The following PBX4 variants were observed in gnomAD, a reference collection of about 807,000 sequenced individuals.
PBX4 encodes PBX homeobox 4.
PBX4 carries 26 observed loss-of-function variants against 35.1 expected under a neutral mutation model. That is an observed-to-expected ratio of 0.74 (90% CI 0.54 to 1.03). PBX4 has a LOEUF of 1.03. PBX4 is among the 50% of genes least tolerant of loss of function. The probability of loss-of-function intolerance (pLI) is 0.00; values close to 1 mark genes in which losing one functional copy is unlikely to be tolerated. For synonymous variants in PBX4, 199 were observed against 204.2 expected, an observed-to-expected ratio of 0.97 and a Z score of 0.22; for missense variants, 448 against 504.3, an observed-to-expected ratio of 0.89 and a Z score of 1.07.
At chr19:19,565,629 GT>G (rs1188072150) in intron 5 of PBX4, among the ~76,000 whole-genome samples, 1 of 152,152 alleles carries the variant, frequency 6.6e-6, no homozygotes, top group East Asian at 1.9e-4. Flanking sequence ...TTAAAAAAAG[GT>G]TTTTTGGCCG....
intron 6 of PBX4, among the ~76,000 whole-genome samples, chr19:19,564,261 C>T (rs1272361941): frequency 6.7e-6 from 1 of 148,478 alleles, no homozygotes; most frequent in African/African-American, 2.5e-5. Context: ...TTTGTTCTTG[C>T]GATAGTTTAC....
chr19:19,581,316 G>A (rs1406549535), intron 2 of PBX4, among the ~76,000 whole-genome samples: 1 of 152,142 alleles, frequency 6.6e-6, no homozygotes, highest in East Asian at 1.9e-4. Flanking sequence ...CGTGCCTGAG[G>A]CTGGAGGGGC....
intron 1 of PBX4, among the ~76,000 whole-genome samples, chr19:19,612,172 C>T (rs1416292510): frequency 6.6e-6 from 1 of 151,540 alleles, no homozygotes; most frequent in Non-Finnish European, 1.5e-5. Context: ...CCCAACTACT[C>T]GGGAGGCTGA....
chr19:19,605,454 A>ATAG lies in PBX4; in HGVS notation c.120-6090_120-6089insCTA, dbSNP rs1427423493. 4.7e-5 allele frequency among the ~76,000 whole-genome samples: 7 copies of ATAG among 148,574 alleles called. No individual in the cohort carries two copies. In the East Asian group the frequency reaches 1.4e-3, roughly 29 times the overall value. ...AATAATAATAATAATAATAACAATA[A>ATAG]TAATAATAATACAAAAAGTAAATTA... On this transcript the variant is annotated intron_variant, in intron 1 of 7. Transcript: ENST00000251203.
chr19:19,580,342 T>A (rs947954618), intron 2 of PBX4, among the ~76,000 whole-genome samples: 1 of 152,214 alleles, frequency 6.6e-6, no homozygotes, highest in African/African-American at 2.4e-5. Flanking sequence ...GGATGACAAG[T>A]GGCTGCTGCT....
At chr19:19,581,764 C>T (rs1029078340) in intron 2 of PBX4, among the ~76,000 whole-genome samples, 3 of 152,192 alleles carry the variant, frequency 2.0e-5, no homozygotes, top group Non-Finnish European at 4.4e-5. Context: ...GCTGCGGGAA[C>T]CCAGGTCATG....
chr19:19,611,547 C>T (rs2061662661), intron 1 of PBX4, among the ~76,000 whole-genome samples: 1 of 151,776 alleles, frequency 6.6e-6, no homozygotes, highest in Non-Finnish European at 1.5e-5. Flanking sequence ...GGTGCAATGG[C>T]AGGTGCCTGT....
At chr19:19,605,353 CTA>C in intron 1 of PBX4, among the ~76,000 whole-genome samples, 1 of 150,348 alleles carries the variant, frequency 6.7e-6, no homozygotes, top group South Asian at 2.1e-4. Flanking sequence ...GAGGTGGAGG[CTA>C]CAGTGAGCTG....
intron 2 of PBX4, chr19:19,588,297 G>T: frequency 1.8e-6 from 2 of 1,129,842 alleles, no homozygotes; most frequent in Non-Finnish European, 2.7e-6. Context: ...ACACCAGAGT[G>T]CAGGGACGCA....
intron 2 of PBX4, chr19:19,580,019 G>A (rs1230003205): frequency 2.0e-5 from 3 of 152,300 alleles, no homozygotes; most frequent in African/African-American, 7.2e-5. Context: ...GTTGACGCCT[G>A]GTGAGAGGCG....
chr19:19,610,682 G>A (rs1203111141), intron 1 of PBX4, among the ~76,000 whole-genome samples: 1 of 152,046 alleles, frequency 6.6e-6, no homozygotes, highest in Non-Finnish European at 1.5e-5. Context: ...TTGAACTTGG[G>A]AGGTGGAGGT....
In PBX4 at chr19:19,570,818, C is replaced by T. The variant is rs766712556; in HGVS notation, c.209G>A (p.Gly70Asp). 6.2e-7 allele frequency: 1 copy of T among 1,614,030 alleles called. No homozygotes were observed. Among genetic ancestry groups the T allele is most frequent in the Non-Finnish European group, 8.5e-7 (1 of 1,180,030 alleles). Residue 70 changes from glycine (G) to aspartate (D), a missense_variant, in exon 3 of 8, where the codon GGC becomes GAC. Coordinates refer to ENST00000251203, the MANE Select transcript of PBX4 (RefSeq NM_025245.3). ...GTCAGGGGGATCTTCGTCTTGAATG[C>T]CACGGATGCTTACCACTAGATAAGA... The part of the protein sequence containing the change: ...IKEKTVVSIR[G>D]IQDEDPPDAQ...
chr19:19,575,486 T>C (rs1454680472), intron 2 of PBX4, among the ~76,000 whole-genome samples: 2 of 152,136 alleles, frequency 1.3e-5, no homozygotes, highest in African/African-American at 4.8e-5. Flanking sequence ...CTCTCCTGGC[T>C]CAAAACAGAC....
chr19:19,596,212 T>C (rs1183148975), intron 2 of PBX4, among the ~76,000 whole-genome samples: 1 of 151,850 alleles, frequency 6.6e-6, no homozygotes, highest in Non-Finnish European at 1.5e-5. Flanking sequence ...GCCAACATGA[T>C]GAAACCCTGT....
chr19:19,604,288 TG>T (rs1223277942), intron 1 of PBX4, among the ~76,000 whole-genome samples: 1 of 151,910 alleles, frequency 6.6e-6, no homozygotes, highest in Non-Finnish European at 1.5e-5. Context: ...CTGGCCAACA[TG>T]GCAAAATCCT....
At position 19,569,713 on chromosome 19, in the gene PBX4, C is replaced by G; in HGVS notation, c.633-129G>C. The stretch of plus-strand genomic sequence containing the variant: ...TCACTTGAGGTCAGGAGTTCGAGAC[C>G]AGCGTGGTCAACATAGTGAAACCCC... On this transcript the variant is annotated intron_variant, in intron 4 of 7. Coordinates refer to ENST00000251203, the MANE Select transcript of PBX4 (RefSeq NM_025245.3). The G allele has an allele frequency of 2.4e-6, 3 of 1,273,590 alleles. No homozygotes were observed. In the South Asian group the frequency reaches 4.7e-5, roughly 20 times the overall value. The allele number at this position is 1,273,590 out of a possible 1,614,324, so 78.9% of individuals were successfully genotyped here.
At chr19:19,618,000 T>G (rs1382146766) in intron 1 of PBX4, among the ~76,000 whole-genome samples, 1 of 151,756 alleles carries the variant, frequency 6.6e-6, no homozygotes, top group Non-Finnish European at 1.5e-5. Flanking sequence ...CTACAAAATA[T>G]ACAAAAAAAT....
chr19:19,602,163 T>G (rs1287128779), intron 1 of PBX4, among the ~76,000 whole-genome samples: 1 of 152,086 alleles, frequency 6.6e-6, no homozygotes, highest in African/African-American at 2.4e-5. Flanking sequence ...CTGGGCACGG[T>G]AGCTCACGCC....
In PBX4 at chr19:19,563,011, ACAC is replaced by A. The variant is rs1361804748; in HGVS notation, c.1032+495_1032+497del. Among the ~76,000 whole-genome samples the A allele has an allele frequency of 6.6e-6, 1 of 152,168 alleles. No individual in the cohort carries two copies. Among genetic ancestry groups the A allele is most frequent in the African/African-American group, 2.4e-5 (1 of 41,438 alleles). On this transcript the variant is annotated intron_variant, in intron 7 of 7. Transcript: ENST00000251203. This position sits in a 1 kb window ranked among gnomAD's most constrained non-coding sequence, Gnocchi z 5.1. ...ACCCGGCTCTGCAGTGCCCTGGCACACACCACACACACAGCCTCGTGCCTGTGC... is the reference window on the plus strand; with the variant it reads ...ACCCGGCTCTGCAGTGCCCTGGCACACACACACACAGCCTCGTGCCTGTGC...
Sources: allele counts gnomAD v4.1 joint callset (sites outside exome capture counted in the v4.1 genomes callset), GRCh38; gene constraint gnomAD v4.1.1; non-coding constraint Gnocchi (gnomAD v3.1); transcripts MANE v1.5; gene names NCBI Gene and HGNC (gene_info 2026-07-23, HGNC 2026-07-21).